ATP2C2: variants seen among roughly 807,000 people sequenced by gnomAD.
ATP2C2 encodes calcium-transporting ATPase type 2C member 2.
In ATP2C2, 171 loss-of-function variants were observed where a neutral mutation model predicts 110.8. The ratio of observed to expected loss-of-function variants is 1.54; its 90% CI spans 1.36 to 1.75. The LOEUF (loss-of-function observed/expected upper bound fraction) is 1.75. Among genes scored for constraint, ATP2C2 ranks in the 40% most tolerant of loss-of-function variants. ATP2C2 has a pLI of 0.00. For synonymous variants in ATP2C2, 804 were observed against 508.4 expected, an observed-to-expected ratio of 1.58 and a Z score of -7.82; for missense variants, 1,963 against 1,235.0, an observed-to-expected ratio of 1.59 and a Z score of -8.84.
In ATP2C2 at chr16:84,422,435, G is replaced by A. The variant is rs750244482; in HGVS notation, c.670G>A (p.Glu224Lys). Residue 224 changes from glutamate (E) to lysine (K), a missense_variant, in exon 8 of 27, where the codon GAG (glutamate) becomes AAG (lysine). Physicochemically the swap from Glu to Lys is moderately conservative, Grantham distance 56. Transcript: ENST00000262429. ...TGAATCCAGTTTCACCGGGGAAGCCGAGCCATGTAGTAAAACAGACAGCCC... is the reference window on the plus strand; with the variant it reads ...TGAATCCAGTTTCACCGGGGAAGCCAAGCCATGTAGTAAAACAGACAGCCC... The part of the protein sequence containing the change: ...VDESSFTGEA[E>K]PCSKTDSPLT... 7.4e-6 allele frequency: 12 copies of A among 1,613,992 alleles called. No homozygotes were observed. The highest frequency in any genetic ancestry group is 5.5e-5 in the South Asian group (5 of 91,078).
At chr16:84,452,447 C>T (rs578201272) in intron 18 of ATP2C2, among the ~76,000 whole-genome samples, 1 of 152,068 alleles carries the variant, frequency 6.6e-6, no homozygotes, top group African/African-American at 2.4e-5. Flanking sequence ...ACCACTCTGA[C>T]CCTCAGTCTC....
At position 84,439,022 on chromosome 16, in the gene ATP2C2, C is replaced by T. The variant is rs1352074230; in HGVS notation, c.987-144C>T. The T allele has an allele frequency of 1.4e-5, 18 of 1,280,452 alleles. No individual in the cohort carries two copies. The South Asian group carries it at 2.1e-4, about 15-fold the overall frequency. The allele number at this position is 1,280,452 out of a possible 1,614,324, so 79.3% of individuals were successfully genotyped here. ...GTGCTGCAGAAGGAGGCAGGTGCAC[C>T]TTAGGATTGGGAATGGAGACTAGAA... On this transcript the variant is annotated intron_variant, in intron 11 of 26. Transcript: ENST00000262429.
At chr16:84,420,759 G>C (rs1443704535) in intron 7 of ATP2C2, among the ~76,000 whole-genome samples, 30 of 152,126 alleles carry the variant, frequency 2.0e-4, no homozygotes, top group Non-Finnish European at 2.9e-5. Flanking sequence ...CTTGTTGGCT[G>C]TGACAGTTTC....
Position 84,442,986 on chromosome 16 carries a change from C to T in ATP2C2, c.1401+387C>T, listed in dbSNP as rs751362960. ...TCCTGGGAATGTATTCGATTGACTC[C>T]GGGGTTCAGTGTTAGACCCTGAGCT... On this transcript the variant is annotated intron_variant, in intron 15 of 26. Coordinates refer to ENST00000262429, the MANE Select transcript of ATP2C2 (RefSeq NM_014861.4). Among the ~76,000 whole-genome samples, 79 of 152,176 alleles carry T rather than the reference C, an allele frequency of 5.2e-4. 1 individual carries two copies. Among genetic ancestry groups the T allele is most frequent in the Middle Eastern group, 3.4e-3 (1 of 294 alleles).
intron 2 of ATP2C2, among the ~76,000 whole-genome samples, chr16:84,402,482 T>C (rs1302753829): frequency 7.9e-5 from 12 of 152,228 alleles, no homozygotes; most frequent in Non-Finnish European, 1.2e-4. Flanking sequence ...GTTCCTTCTA[T>C]ACCTAGTTTT....
intron 1 of ATP2C2, among the ~76,000 whole-genome samples, chr16:84,377,457 A>G (rs569007208): frequency 6.6e-6 from 1 of 152,258 alleles, no homozygotes; most frequent in South Asian, 2.1e-4. Flanking sequence ...TCTGGAGGCC[A>G]GAACTCCAAG....
At chr16:84,438,681 G>C (rs2241642) in intron 11 of ATP2C2, among the ~76,000 whole-genome samples, 26,333 of 152,038 alleles carry the variant, frequency 0.17, 2,791 homozygotes, top group East Asian at 0.5. Flanking sequence ...CCCTTCACCT[G>C]CCCTGACCTG....
intron 7 of ATP2C2, among the ~76,000 whole-genome samples, chr16:84,420,084 C>T (rs778189863): frequency 1.3e-5 from 2 of 152,164 alleles, no homozygotes; most frequent in Non-Finnish European, 2.9e-5. Flanking sequence ...GCACATGTGA[C>T]TTAACCTATC....
chr16:84,401,927 G>C (rs540921953), intron 2 of ATP2C2, among the ~76,000 whole-genome samples: 2 of 152,108 alleles, frequency 1.3e-5, no homozygotes, highest in African/African-American at 4.8e-5. Context: ...GGGTAGTATG[G>C]ACATTTTAAC....
chr16:84,463,532 A>C, intron 26 of ATP2C2, 82 bp from the exon 27 acceptor site: 1 of 1,152,186 alleles, frequency 8.7e-7, no homozygotes, highest in Non-Finnish European at 1.3e-6. Context: ...CTTTATCAGG[A>C]GGACTGGCAG....
chr16:84,452,404 G>T lies in ATP2C2; in HGVS notation c.1831+313G>T, dbSNP rs375406971. Among the ~76,000 whole-genome samples, 4 of 151,940 alleles carry T rather than the reference G, an allele frequency of 2.6e-5. No individual in the cohort carries two copies. The East Asian group carries it at 7.7e-4, about 29-fold the overall frequency. On this transcript the variant is annotated intron_variant, in intron 18 of 26. Transcript: ENST00000262429. Reference sequence around the variant, plus strand: ...CATGTACAGTTTCAGTCTGCCTTCTGCCTCTAGCTGTGTACCCTTGGCAAA... The same window carrying T: ...CATGTACAGTTTCAGTCTGCCTTCTTCCTCTAGCTGTGTACCCTTGGCAAA...
At chr16:84,424,881 C>G (rs1907672980) in intron 10 of ATP2C2, among the ~76,000 whole-genome samples, 1 of 152,142 alleles carries the variant, frequency 6.6e-6, no homozygotes. Flanking sequence ...GGGAATGCCA[C>G]AAGGGTGGAG....
chr16:84,459,115 T>G lies in ATP2C2; in HGVS notation c.2148-5T>G, dbSNP rs1297453431. On this transcript the variant is annotated splice_polypyrimidine_tract_variant and splice_region_variant and intron_variant, in intron 21 of 26. Coordinates refer to ENST00000262429, the MANE Select transcript of ATP2C2 (RefSeq NM_014861.4). ...CCGTGAGTAAATGGCTCTCTTCTCT[T>G]GCAGGAATGCAGTGGAGGAAGGCAA... is the stretch of plus-strand genomic sequence containing the variant. 1 of 1,614,098 alleles carries G rather than the reference T, an allele frequency of 6.2e-7. No individual in the cohort carries two copies. Among genetic ancestry groups the G allele is most frequent in the Non-Finnish European group, 8.5e-7 (1 of 1,180,034 alleles).
intron 11 of ATP2C2, among the ~76,000 whole-genome samples, chr16:84,432,913 CCT>C (rs1908407948): frequency 6.6e-6 from 1 of 152,116 alleles, no homozygotes; most frequent in Admixed American, 6.5e-5. Flanking sequence ...GACACTGTCC[CCT>C]GAGAGCGGGC....
chr16:84,400,238 A>C (rs1905232277), intron 2 of ATP2C2, among the ~76,000 whole-genome samples: 1 of 152,016 alleles, frequency 6.6e-6, no homozygotes, highest in Admixed American at 6.6e-5. Flanking sequence ...GGGAGTGCAG[A>C]TATCTCTTCA....
At chr16:84,370,008 T>G (rs1266812872) in intron 1 of ATP2C2, among the ~76,000 whole-genome samples, 1 of 152,250 alleles carries the variant, frequency 6.6e-6, no homozygotes, top group African/African-American at 2.4e-5. Context: ...CATCACAGGT[T>G]GCCTTTCCTA....
At chr16:84,439,340 C>T (rs1345130111) in intron 12 of ATP2C2, 50 bp downstream of exon 12, 5 of 1,613,362 alleles carry the variant, frequency 3.1e-6, no homozygotes, top group Admixed American at 1.7e-5. Context: ...TGAATGGGGG[C>T]TTGGCTGTCA....
At chr16:84,459,227 A>C (rs1911001228) in intron 22 of ATP2C2, 39 bp downstream of exon 22, 5 of 1,614,044 alleles carry the variant, frequency 3.1e-6, no homozygotes, top group Non-Finnish European at 4.2e-6. Context: ...ATTAAGCACC[A>C]CGCCTGGCGG....
intron 11 of ATP2C2, among the ~76,000 whole-genome samples, chr16:84,437,042 A>T (rs1213900292): frequency 6.6e-6 from 1 of 151,936 alleles, no homozygotes; most frequent in East Asian, 1.9e-4. Context: ...GATTACAGGC[A>T]TGAGCCGCCA....
Sources: gnomAD v4.1 joint callset for allele counts (sites outside exome capture counted in the v4.1 genomes callset) on GRCh38, gnomAD v4.1.1 for gene constraint, MANE v1.5 for transcripts, NCBI Gene and HGNC (gene_info 2026-07-23, HGNC 2026-07-21) for gene names.